The following ARB2A variants were observed in gnomAD, a reference collection of about 807,000 sequenced individuals.
The protein encoded by ARB2A is ARB2 cotranscriptional regulator A, also known as cotranscriptional regulator ARB2A.
At chr5:93,865,283 T>A in the ARB2A span, 1 of 466,866 alleles carries the variant, frequency 2.1e-6, no homozygotes, top group Non-Finnish European at 2.8e-6. Flanking sequence ...GGGTTTCACC[T>A]TGTTAGCCAG....
At chr5:93,842,500 C>G in the ARB2A span, among the ~76,000 whole-genome samples, 1 of 152,048 alleles carries the variant, frequency 6.6e-6, no homozygotes, top group Non-Finnish European at 1.5e-5. Flanking sequence ...CCCCCTAAAA[C>G]TATGGTAAAA....
At chr5:93,928,948 A>G in the ARB2A span, among the ~76,000 whole-genome samples, 1 of 152,140 alleles carries the variant, frequency 6.6e-6, no homozygotes, top group Non-Finnish European at 1.5e-5. Flanking sequence ...AGTCTGTTAA[A>G]TACTTCAATG....
chr5:93,956,315 A>C, the ARB2A span, among the ~76,000 whole-genome samples: 1 of 152,276 alleles, frequency 6.6e-6, no homozygotes, highest in South Asian at 2.1e-4. Context: ...TCCTCCTTTC[A>C]ACTTAAGTGG....
the ARB2A span, among the ~76,000 whole-genome samples, chr5:93,774,306 A>T: frequency 2.0e-5 from 3 of 152,210 alleles, no homozygotes; most frequent in Non-Finnish European, 4.4e-5. Context: ...AGATGAAAGG[A>T]AGAGTTGCAT....
chr5:94,055,125 A>C, the ARB2A span, among the ~76,000 whole-genome samples: 1 of 152,224 alleles, frequency 6.6e-6, no homozygotes, highest in African/African-American at 2.4e-5. Flanking sequence ...GTCATCACAG[A>C]GTCATTTAAA....
chr5:93,674,242 G>C, the ARB2A span, among the ~76,000 whole-genome samples: 2 of 152,174 alleles, frequency 1.3e-5, no homozygotes, highest in Non-Finnish European at 2.9e-5. Context: ...TGAACAAACA[G>C]CTCAGTCGCC....
the ARB2A span, among the ~76,000 whole-genome samples, chr5:94,075,902 C>G: frequency 6.6e-6 from 1 of 152,170 alleles, no homozygotes; most frequent in Non-Finnish European, 1.5e-5. Flanking sequence ...TCTGGCTCCA[C>G]TAAGAACTAC....
chr5:93,766,437 A>G, the ARB2A span, among the ~76,000 whole-genome samples: 3 of 152,218 alleles, frequency 2.0e-5, no homozygotes, highest in African/African-American at 7.2e-5. Flanking sequence ...CACATGAAAA[A>G]ATGCTCATCA....
chr5:94,007,912 G>A, the ARB2A span, among the ~76,000 whole-genome samples: 1 of 152,120 alleles, frequency 6.6e-6, no homozygotes, highest in Admixed American at 6.5e-5. Context: ...CAACACAATG[G>A]CCTAAATGAT....
chr5:93,881,385 CTTGA>C, the ARB2A span: 1 of 1,005,576 alleles, frequency 9.9e-7, no homozygotes, highest in Non-Finnish European at 1.4e-6. Context: ...AATTAATATT[CTTGA>C]AGAAAAACAA....
At chr5:93,759,699 CT>C in the ARB2A span, among the ~76,000 whole-genome samples, 1 of 152,166 alleles carries the variant, frequency 6.6e-6, no homozygotes, top group Non-Finnish European at 1.5e-5. Context: ...TCCAGCAAAA[CT>C]TTATGATTAA....
chr5:93,640,439 A>T, the ARB2A span, among the ~76,000 whole-genome samples: 1 of 151,050 alleles, frequency 6.6e-6, no homozygotes, highest in Non-Finnish European at 1.5e-5. Flanking sequence ...ACAGAGCAAG[A>T]CTCCGTCTCA....
At chr5:93,985,633 C>T in the ARB2A span, among the ~76,000 whole-genome samples, 2 of 152,182 alleles carry the variant, frequency 1.3e-5, no homozygotes, top group Admixed American at 6.5e-5. Context: ...CCCTGTTGGC[C>T]GGGCTGGTCT....
the ARB2A span, among the ~76,000 whole-genome samples, chr5:93,807,822 A>G: frequency 1.3e-4 from 20 of 151,858 alleles, no homozygotes; most frequent in Admixed American, 3.3e-4. Context: ...AATTAGGGGG[A>G]AAAAAAAGCA....
At chr5:93,813,399 T>C in the ARB2A span, among the ~76,000 whole-genome samples, 3 of 152,116 alleles carry the variant, frequency 2.0e-5, no homozygotes, top group Non-Finnish European at 4.4e-5. Context: ...TGATTGCTTA[T>C]AGTGAAAATG....
the ARB2A span, among the ~76,000 whole-genome samples, chr5:93,978,289 T>C: frequency 6.6e-6 from 1 of 152,072 alleles, no homozygotes; most frequent in Admixed American, 6.5e-5. Context: ...AAATAAATCA[T>C]TCTACCAAAA....
At chr5:93,833,616 A>C in the ARB2A span, among the ~76,000 whole-genome samples, 1 of 152,230 alleles carries the variant, frequency 6.6e-6, no homozygotes, top group African/African-American at 2.4e-5. Context: ...CACTAAAAGC[A>C]GTTGAGCTGT....
chr5:93,624,792 C>T, the ARB2A span, among the ~76,000 whole-genome samples: 11 of 152,200 alleles, frequency 7.2e-5, no homozygotes, highest in Non-Finnish European at 1.5e-4. Flanking sequence ...TGTTCTGCAT[C>T]CCACATGATT....
the ARB2A span, chr5:93,804,975 G>A: frequency 1.0e-6 from 1 of 983,292 alleles, no homozygotes; most frequent in African/African-American, 1.7e-5. Flanking sequence ...GTCCTAGGTG[G>A]TGAGATATCA....
Sources: gnomAD v4.1 joint callset for allele counts (sites outside exome capture counted in the v4.1 genomes callset) on GRCh38, gnomAD v4.1.1 for gene constraint, MANE v1.5 for transcripts, NCBI Gene and HGNC (gene_info 2026-07-23, HGNC 2026-07-21) for gene names.